The following DCC variants were observed in gnomAD, a reference collection of about 807,000 sequenced individuals.
The protein encoded by DCC is netrin receptor DCC.
A neutral mutation model predicts 172.5 loss-of-function variants in DCC; 58 were observed. The ratio of observed to expected loss-of-function variants is 0.34; its 90% CI spans 0.27 to 0.42. The LOEUF is 0.42. Ranked by LOEUF, DCC falls within the 10% of genes least tolerant of loss-of-function variation. The probability of loss-of-function intolerance (pLI) is 1.00; values close to 1 mark genes in which losing one functional copy is unlikely to be tolerated. For missense variants in DCC, 1,740 were observed against 1,791.0 expected (o/e 0.97, Z 0.51); for synonymous variants, 709 against 644.5 (o/e 1.10, Z -1.52).
chr18:52,610,151 TAAAAAAAAAAAAAAAAAA>T lies in DCC; in HGVS notation c.92-141892_92-141875del, dbSNP rs1171109968. ...CAACATGGCAAAACCCCATCTCTCA[TAAAAAAAAAAAAAAAAAA>T]AAAAAAAAAATATATATATATATAT... On this transcript the variant is annotated intron_variant, in intron 1 of 28. Coordinates refer to ENST00000442544, the MANE Select transcript of DCC (RefSeq NM_005215.4). Among the ~76,000 whole-genome samples, 189 of 19,026 alleles carry T rather than the reference TAAAAAAAAAAAAAAAAAA, an allele frequency of 9.9e-3. 5 individuals are homozygous for T. The highest frequency in any genetic ancestry group is 0.05 in the Middle Eastern group (1 of 20). The allele number at this position is 19,026 out of a possible 152,430, so 12.5% of individuals were successfully genotyped here.
At chr18:52,884,501 A>G (rs1257583167) in intron 2 of DCC, among the ~76,000 whole-genome samples, 3 of 152,102 alleles carry the variant, frequency 2.0e-5, no homozygotes, top group Non-Finnish European at 2.9e-5. Flanking sequence ...ATTCTTCAAT[A>G]TATCAATTGC....
At chr18:52,928,702 A>G (rs1364385008) in intron 5 of DCC, among the ~76,000 whole-genome samples, 1 of 152,182 alleles carries the variant, frequency 6.6e-6, no homozygotes, top group African/African-American at 2.4e-5. Context: ...AGCCCATTAG[A>G]TAACAACCCT....
chr18:52,729,497 T>G (rs2036602570), intron 1 of DCC, among the ~76,000 whole-genome samples: 1 of 152,170 alleles, frequency 6.6e-6, no homozygotes, highest in South Asian at 2.1e-4. Context: ...TGACCTCAAA[T>G]GATCTACCTG....
chr18:52,561,456 A>T (rs1296609907), intron 1 of DCC, among the ~76,000 whole-genome samples: 1 of 148,714 alleles, frequency 6.7e-6, no homozygotes, highest in African/African-American at 2.5e-5. Context: ...CTACACACAC[A>T]TATATATATA....
intron 5 of DCC, among the ~76,000 whole-genome samples, chr18:53,041,225 T>G (rs915229139): frequency 1.1e-4 from 17 of 152,162 alleles, no homozygotes; most frequent in African/African-American, 3.9e-4. Flanking sequence ...TTCAGTTTTC[T>G]GCATATGGCT....
intron 27 of DCC, among the ~76,000 whole-genome samples, chr18:53,521,240 A>G (rs1465974497): frequency 6.6e-6 from 1 of 152,136 alleles, no homozygotes; most frequent in Non-Finnish European, 1.5e-5. Context: ...AACACTCACT[A>G]CATTTTGAAT....
intron 13 of DCC, among the ~76,000 whole-genome samples, chr18:53,318,437 G>A (rs1047991296): frequency 1.3e-5 from 2 of 152,128 alleles, no homozygotes; most frequent in Admixed American, 1.3e-4. Flanking sequence ...GCGATGTGGT[G>A]CTAAGAAGAA....
chr18:53,535,108 A>G lies in DCC; in HGVS notation c.*4455A>G, dbSNP rs2144652278. ...ATGCTGTTTTTTATTATTGTAGGGTAAATCTGACAATTCTGAACTTTGTGA... is the reference window on the plus strand; with the variant it reads ...ATGCTGTTTTTTATTATTGTAGGGTGAATCTGACAATTCTGAACTTTGTGA... On this transcript the variant is annotated 3_prime_UTR_variant, in exon 29 of 29. Coordinates refer to ENST00000442544, the MANE Select transcript of DCC (RefSeq NM_005215.4). The G allele has an allele frequency of 6.6e-6, 1 of 151,528 alleles. No individual in the cohort carries two copies. The highest frequency in any genetic ancestry group is 1.9e-4 in the East Asian group (1 of 5,168). The allele number at this position is 151,528 out of a possible 1,614,324, so 9.4% of individuals were successfully genotyped here.
At chr18:53,034,116 T>C (rs1326741777) in intron 5 of DCC, among the ~76,000 whole-genome samples, 1 of 152,076 alleles carries the variant, frequency 6.6e-6, no homozygotes, top group Non-Finnish European at 1.5e-5. Context: ...TTCTTCAGTC[T>C]CTTAGCTTTA....
intron 15 of DCC, among the ~76,000 whole-genome samples, chr18:53,359,953 G>A (rs990176640): frequency 6.6e-6 from 1 of 152,196 alleles, no homozygotes; most frequent in African/African-American, 2.4e-5. Flanking sequence ...AGAATGATAT[G>A]AATCCTGTTC....
chr18:52,782,216 C>A (rs2037558113), intron 2 of DCC, among the ~76,000 whole-genome samples: 1 of 152,052 alleles, frequency 6.6e-6, no homozygotes, highest in South Asian at 2.1e-4. Context: ...CTATATAGTT[C>A]AACAGGCTCC....
Position 52,927,070 on chromosome 18 carries a change from C to T in DCC, c.985+1700C>T, listed in dbSNP as rs1436698351. Among the ~76,000 whole-genome samples the T allele has an allele frequency of 5.9e-4, 43 of 72,496 alleles. 7 individuals carry two copies. Among genetic ancestry groups the T allele is most frequent in the African/African-American group, 1.2e-3 (26 of 21,062 alleles). 47.6% of individuals were successfully genotyped at this position (72,496 alleles called of 152,430 possible). ...ACATATATATACACATATATACACA[C>T]ATATATGTGTATATACACGTATATA... is the stretch of plus-strand genomic sequence containing the variant. On this transcript the variant is annotated intron_variant, in intron 5 of 28. Transcript: ENST00000442544.
At chr18:53,468,375 ATTTAT>A (rs1485568699) in intron 25 of DCC, among the ~76,000 whole-genome samples, 4,566 of 131,554 alleles carry the variant, frequency 0.035, 283 homozygotes, top group African/African-American at 0.11. Context: ...TTATTTATTT[ATTTAT>A]TTTATTTATT....
intron 12 of DCC, among the ~76,000 whole-genome samples, chr18:53,253,089 C>T (rs1258095404): frequency 5.3e-5 from 8 of 151,718 alleles, no homozygotes; most frequent in African/African-American, 1.4e-4. Flanking sequence ...CATATAGATA[C>T]ATAAATAAAT....
rs777345957 is a variant in DCC, at chr18:53,530,610, G to A, written c.4301G>A (p.Gly1434Glu). The A allele has an allele frequency of 1.2e-6, 2 of 1,605,352 alleles. No individual in the cohort carries two copies. The highest frequency in any genetic ancestry group is 8.5e-7 in the Non-Finnish European group (1 of 1,172,034). ...DLSEQMASLEGLMKQLNAITG... is the reference protein window; with the variant it reads ...DLSEQMASLEELMKQLNAITG... ...AGTGAACAAATGGCAAGTTTGGAAG[G>A]ACTCATGAAGCAGCTTAATGCCATC... The change falls in exon 29 of 29, where the codon GGA becomes GAA. Residue 1434 changes from glycine (G) to glutamate (E), a missense_variant. This residue lies in a region of DCC where 8 missense variants were observed against 23.6 expected (regional missense o/e 0.34). Transcript: ENST00000442544.
chr18:52,796,452 C>T (rs2037879531), intron 2 of DCC, among the ~76,000 whole-genome samples: 1 of 151,850 alleles, frequency 6.6e-6, no homozygotes, highest in Non-Finnish European at 1.5e-5. Flanking sequence ...AGATATTATC[C>T]TTTCACTTCT....
intron 1 of DCC, among the ~76,000 whole-genome samples, chr18:52,624,475 C>T (rs1186471286): frequency 6.6e-6 from 1 of 152,078 alleles, no homozygotes; most frequent in Non-Finnish European, 1.5e-5. Flanking sequence ...CGCACTTAAA[C>T]TTCTGTGGGG....
At chr18:52,377,450 C>A (rs1161113938) in intron 1 of DCC, among the ~76,000 whole-genome samples, 2 of 152,144 alleles carry the variant, frequency 1.3e-5, no homozygotes, top group Non-Finnish European at 2.9e-5. Context: ...CATGTGCTGT[C>A]ACATTGCTAC....
At chr18:52,814,901 AGGT>A (rs2038264918) in intron 2 of DCC, among the ~76,000 whole-genome samples, 1 of 152,168 alleles carries the variant, frequency 6.6e-6, no homozygotes, top group South Asian at 2.1e-4. Context: ...CCCTGGAATG[AGGT>A]GGTGATGGCT....
Sources: gnomAD v4.1 joint callset for allele counts (sites outside exome capture counted in the v4.1 genomes callset) on GRCh38, gnomAD v4.1.1 for gene constraint, gnomAD v4.1.1 regional missense constraint, MANE v1.5 for transcripts, NCBI Gene and HGNC (gene_info 2026-07-23, HGNC 2026-07-21) for gene names.